Variants in GLIPR1L1 observed in about 807,000 individuals in gnomAD.
The protein encoded by GLIPR1L1 is GLIPR1-like protein 1.
Under a neutral mutation model 29.9 loss-of-function variants are expected in GLIPR1L1, and 26 were observed. The observed-to-expected ratio is 0.87, with a 90% CI of 0.64 to 1.21. The LOEUF is 1.21. Ranked by LOEUF, GLIPR1L1 falls within the 50% of genes most tolerant of loss-of-function variation. The pLI is 0.00. For synonymous variants in GLIPR1L1, 77 were observed against 97.5 expected (o/e 0.79, Z 1.24); for missense variants, 305 against 290.3 (o/e 1.05, Z -0.37).
chr12:75,336,479 T>C (rs531786791), intron 1 of GLIPR1L1, among the ~76,000 whole-genome samples: 90 of 151,916 alleles, frequency 5.9e-4, no homozygotes, highest in African/African-American at 2.1e-3. Flanking sequence ...AAATACATTA[T>C]GCAAACTCTA....
chr12:75,356,928 C>T (rs952519844), intron 3 of GLIPR1L1, among the ~76,000 whole-genome samples: 8 of 152,014 alleles, frequency 5.3e-5, no homozygotes, highest in African/African-American at 1.9e-4. Flanking sequence ...ACAGCAGACA[C>T]GTAATCCCAA....
At chr12:75,364,783 T>A (rs1292616770) in intron 4 of GLIPR1L1, 1 of 152,216 alleles carries the variant, frequency 6.6e-6, no homozygotes, top group Non-Finnish European at 1.5e-5. Context: ...TTTTGTTGTC[T>A]TTAGTAATGT....
Position 75,369,646 on chromosome 12 carries a change from T to G in GLIPR1L1, c.611-314T>G, listed in dbSNP as rs892386052. On this transcript the variant is annotated intron_variant, in intron 4 of 5. Transcript: ENST00000378695. ...TTCAACATGAAGAAATTACGTTTCT[T>G]CAGGGACGTGAATTGGGAATGAAAG... 3.7e-5 allele frequency: 36 copies of G among 984,556 alleles called. No individual in the cohort carries two copies. The African/African-American group carries it at 6.3e-4, about 17-fold the overall frequency. The allele number at this position is 984,556 out of a possible 1,614,324, so 61.0% of individuals were successfully genotyped here.
At chr12:75,369,348 T>C (rs1237058109) in intron 4 of GLIPR1L1, 1 of 174,556 alleles carries the variant, frequency 5.7e-6, no homozygotes, top group Admixed American at 6.5e-5. Context: ...AGTATAGATT[T>C]TTCTCTCCTC....
chr12:75,353,740 C>A (rs2042964046), intron 3 of GLIPR1L1, among the ~76,000 whole-genome samples: 3 of 152,168 alleles, frequency 2.0e-5, no homozygotes, highest in Admixed American at 6.5e-5. Flanking sequence ...CAAAAATTCT[C>A]AATAAAATAC....
At chr12:75,342,202 T>C (rs187735531) in intron 1 of GLIPR1L1, among the ~76,000 whole-genome samples, 1 of 152,296 alleles carries the variant, frequency 6.6e-6, no homozygotes, top group East Asian at 1.9e-4. Flanking sequence ...TATCTAGATA[T>C]TGTGGGAGTG....
chr12:75,361,263 AG>A (rs1403975082), intron 3 of GLIPR1L1, among the ~76,000 whole-genome samples: 1 of 152,216 alleles, frequency 6.6e-6, no homozygotes, highest in East Asian at 1.9e-4. Flanking sequence ...ACAACAGTGT[AG>A]AAAACTAATT....
chr12:75,369,762 T>C (rs1196738568), intron 4 of GLIPR1L1, 198 bp from the exon 5 acceptor site: 2 of 984,870 alleles, frequency 2.0e-6, no homozygotes, highest in African/African-American at 1.7e-5. Flanking sequence ...AAATATTTGT[T>C]GACATAACAC....
At chr12:75,353,415 T>G (rs180889194) in intron 3 of GLIPR1L1, among the ~76,000 whole-genome samples, 1 of 152,176 alleles carries the variant, frequency 6.6e-6, no homozygotes, top group East Asian at 1.9e-4. Flanking sequence ...TAAATTCCTG[T>G]AAACATATGC....
At chr12:75,341,345 T>C (rs910876685) in intron 1 of GLIPR1L1, among the ~76,000 whole-genome samples, 2 of 152,204 alleles carry the variant, frequency 1.3e-5, no homozygotes, top group South Asian at 2.1e-4. Context: ...TCAACACATG[T>C]AACATCCCCA....
chr12:75,356,891 T>A (rs1300694522), intron 3 of GLIPR1L1, among the ~76,000 whole-genome samples: 1 of 151,996 alleles, frequency 6.6e-6, no homozygotes, highest in African/African-American at 2.4e-5. Context: ...CTAACATCAG[T>A]CAAAGAAGGC....
In GLIPR1L1 at chr12:75,343,891, G is replaced by C. The variant is rs766464437; in HGVS notation, c.373G>C (p.Asp125His). ...TTGGTATAATGAAACCCAATTTTAT[G>C]ATTTTGATAGTCTATCATGCTCCAG... ...TAWYNETQFY[D>H]FDSLSCSRVC... Residue 125 changes from aspartate to histidine, a missense_variant, in exon 2 of 6, where the codon GAT becomes CAT. Physicochemically the swap from Asp to His is moderately conservative, Grantham distance 81 (BLOSUM62 -1). Coordinates refer to ENST00000378695, the MANE Select transcript of GLIPR1L1 (RefSeq NM_001304964.2). The C allele has an allele frequency of 2.5e-6, 4 of 1,611,720 alleles. No homozygotes were observed. The highest frequency in any genetic ancestry group is 1.1e-5 in the South Asian group (1 of 90,988).
chr12:75,365,767 T>C (rs1339138492), intron 4 of GLIPR1L1, among the ~76,000 whole-genome samples: 3 of 152,138 alleles, frequency 2.0e-5, no homozygotes, highest in Non-Finnish European at 2.9e-5. Context: ...TTAACCATTT[T>C]TATACCCTAT....
intron 3 of GLIPR1L1, chr12:75,359,853 C>T (rs1424303735): frequency 5.9e-5 from 9 of 152,060 alleles, no homozygotes; most frequent in Non-Finnish European, 1.3e-4. Flanking sequence ...TTCATTTTCA[C>T]ACTGCTATAA....
intron 1 of GLIPR1L1, among the ~76,000 whole-genome samples, chr12:75,336,600 A>G (rs2139238432): frequency 6.6e-6 from 1 of 151,946 alleles, no homozygotes; most frequent in African/African-American, 2.4e-5. Context: ...TAATTCAACA[A>G]AAGACACAGC....
intron 3 of GLIPR1L1, chr12:75,361,049 A>C (rs1013680243): frequency 1.3e-5 from 2 of 152,140 alleles, no homozygotes; most frequent in African/African-American, 4.8e-5. Context: ...GAATTAATTA[A>C]GCAAAAGAGA....
chr12:75,335,030 A>C, intron 1 of GLIPR1L1, 128 bp downstream of exon 1: 1 of 834,208 alleles, frequency 1.2e-6, no homozygotes, highest in Non-Finnish European at 1.8e-6. Flanking sequence ...AAAAAGAAAA[A>C]AATTCACACC....
At chr12:75,338,112 G>A (rs1257091752) in intron 1 of GLIPR1L1, among the ~76,000 whole-genome samples, 1 of 152,096 alleles carries the variant, frequency 6.6e-6, no homozygotes, top group African/African-American at 2.4e-5. Context: ...GGAACTTTAT[G>A]AGTCAACTTT....
chr12:75,343,671 T>C, intron 1 of GLIPR1L1, 22 bp from the exon 2 acceptor site: 1 of 1,555,444 alleles, frequency 6.4e-7, no homozygotes, highest in Non-Finnish European at 8.7e-7. Context: ...ACAATTCAAT[T>C]TAAATTATTT....
Sources: gnomAD v4.1 joint callset for allele counts (sites outside exome capture counted in the v4.1 genomes callset) on GRCh38, gnomAD v4.1.1 for gene constraint, MANE v1.5 for transcripts, NCBI Gene and HGNC (gene_info 2026-07-23, HGNC 2026-07-21) for gene names.